The following TMEM132C variants were observed in gnomAD, a reference collection of about 807,000 sequenced individuals.
TMEM132C encodes transmembrane protein 132C.
A neutral mutation model predicts 61.4 loss-of-function variants in TMEM132C; 29 were observed. The ratio of observed to expected loss-of-function variants is 0.47; its 90% CI spans 0.35 to 0.64. The LOEUF (loss-of-function observed/expected upper bound fraction) is 0.64. Among genes scored for constraint, TMEM132C ranks in the 30% least tolerant of loss-of-function variants. The pLI, the probability that TMEM132C is intolerant of heterozygous loss-of-function variation, is 0.00. For missense variants in TMEM132C, 1,408 were observed against 1,476.9 expected (o/e 0.95, Z 0.76); for synonymous variants, 656 against 633.1 (o/e 1.04, Z -0.54).
At chr12:128,625,192 A>G (rs1954003418) in intron 4 of TMEM132C, among the ~76,000 whole-genome samples, 1 of 152,236 alleles carries the variant, frequency 6.6e-6, no homozygotes, top group Non-Finnish European at 1.5e-5. Flanking sequence ...TCTTCCTATC[A>G]TAGTCCATTC....
chr12:128,461,837 A>T (rs1870543433), intron 2 of TMEM132C, among the ~76,000 whole-genome samples: 1 of 151,962 alleles, frequency 6.6e-6, no homozygotes, highest in African/African-American at 2.4e-5. Context: ...ACCTTCCAGA[A>T]CTCCATTCTC....
chr12:128,622,360 A>AAAATAT (rs1277080166), intron 4 of TMEM132C, among the ~76,000 whole-genome samples: 106 of 30,038 alleles, frequency 3.5e-3, no homozygotes, highest in Non-Finnish European at 4.4e-3. Context: ...AAAAAAAAAA[A>AAAATAT]ATATATATAT....
In TMEM132C at chr12:128,342,052, A is replaced by G. The variant is rs1432492042; in HGVS notation, c.86-72680A>G. 4.0e-5 allele frequency among the ~76,000 whole-genome samples: 6 copies of G among 149,446 alleles called. No individual in the cohort carries two copies. The South Asian group carries it at 6.4e-4, about 16-fold the overall frequency. Reference sequence around the variant, plus strand: ...GAGATGGAGTCTCGCTCTGTCGCCTATGCTGGAGTGCAGTGGCATGATCTC... The same window carrying G: ...GAGATGGAGTCTCGCTCTGTCGCCTGTGCTGGAGTGCAGTGGCATGATCTC... On this transcript the variant is annotated intron_variant, in intron 1 of 8. Coordinates refer to ENST00000435159, the MANE Select transcript of TMEM132C (RefSeq NM_001136103.3).
chr12:128,500,845 G>A lies in TMEM132C; in HGVS notation c.975-43112G>A, dbSNP rs368260557. On this transcript the variant is annotated intron_variant, in intron 2 of 8. Transcript: ENST00000435159. ...CTCCCAGATATATATATATATGCAA[G>A]AGGATTGAAACTATATATCTGTACC... Among the ~76,000 whole-genome samples, 40 of 152,250 alleles carry A rather than the reference G, an allele frequency of 2.6e-4. No homozygotes were observed. The East Asian group carries it at 6.4e-3, about 24-fold the overall frequency.
At chr12:128,353,674 C>T (rs901484968) in intron 1 of TMEM132C, among the ~76,000 whole-genome samples, 1 of 152,134 alleles carries the variant, frequency 6.6e-6, no homozygotes, top group Admixed American at 6.5e-5. Context: ...GCAGAGAGCA[C>T]AGGAGGAGGC....
intron 1 of TMEM132C, among the ~76,000 whole-genome samples, chr12:128,397,668 C>G (rs568316195): frequency 2.6e-5 from 4 of 152,136 alleles, no homozygotes; most frequent in Non-Finnish European, 5.9e-5. Context: ...CAATGCTTTT[C>G]TCTTCTTCTT....
At chr12:128,338,239 A>G (rs1382260680) in intron 1 of TMEM132C, among the ~76,000 whole-genome samples, 3 of 152,208 alleles carry the variant, frequency 2.0e-5, no homozygotes. Context: ...AGCATCTTTT[A>G]GATCACAGAG....
At chr12:128,592,265 C>A (rs749119113) in intron 3 of TMEM132C, among the ~76,000 whole-genome samples, 26 of 152,150 alleles carry the variant, frequency 1.7e-4, no homozygotes, top group African/African-American at 6.0e-4. Context: ...AGTTTTTACA[C>A]GCCTGTATCG....
chr12:128,389,673 A>G (rs934257184), intron 1 of TMEM132C, among the ~76,000 whole-genome samples: 1 of 152,142 alleles, frequency 6.6e-6, no homozygotes, highest in African/African-American at 2.4e-5. Context: ...AGAAGAGGAC[A>G]TGGCCAGCCC....
At chr12:128,316,745 A>AT (rs963860950) in intron 1 of TMEM132C, among the ~76,000 whole-genome samples, 2 of 152,032 alleles carry the variant, frequency 1.3e-5, no homozygotes, top group South Asian at 2.1e-4. Context: ...CCTCAAGTTA[A>AT]TTTTTTTGTC....
chr12:128,402,878 C>T (rs1031289103), intron 1 of TMEM132C, among the ~76,000 whole-genome samples: 6 of 152,174 alleles, frequency 3.9e-5, no homozygotes, highest in African/African-American at 1.2e-4. Flanking sequence ...TTAGAGCATT[C>T]GTCTTTGAAA....
chr12:128,480,579 G>A (rs1404032372), intron 2 of TMEM132C, among the ~76,000 whole-genome samples: 1 of 152,164 alleles, frequency 6.6e-6, no homozygotes, highest in East Asian at 1.9e-4. Flanking sequence ...CGTTGCTGCA[G>A]CACCCCGGGG....
At chr12:128,536,306 C>T (rs924984300) in intron 2 of TMEM132C, among the ~76,000 whole-genome samples, 2 of 152,102 alleles carry the variant, frequency 1.3e-5, no homozygotes, top group African/African-American at 4.8e-5. Context: ...AAACCAAACA[C>T]CGCATGTTCT....
intron 3 of TMEM132C, among the ~76,000 whole-genome samples, chr12:128,560,485 T>C (rs1874472488): frequency 6.6e-6 from 1 of 152,164 alleles, no homozygotes; most frequent in South Asian, 2.1e-4. Context: ...TCCCTCTGAT[T>C]GGACTCTTTG....
Position 128,504,622 on chromosome 12 carries a change from A to T in TMEM132C, c.975-39335A>T, listed in dbSNP as rs116649500. On this transcript the variant is annotated intron_variant, in intron 2 of 8. Coordinates refer to ENST00000435159, the MANE Select transcript of TMEM132C (RefSeq NM_001136103.3). ...GGCCACTTTCTCTCTGTGTCTTCAC[A>T]TGGCCTTTTCTCCATGTGAGAGTGA... Among the ~76,000 whole-genome samples the T allele has an allele frequency of 9.8e-3, 1,492 of 152,110 alleles. 29 individuals are homozygous for T. The highest frequency in any genetic ancestry group is 0.034 in the African/African-American group (1,393 of 41,498).
At chr12:128,673,570 C>T (rs1054463696) in intron 5 of TMEM132C, among the ~76,000 whole-genome samples, 7 of 144,894 alleles carry the variant, frequency 4.8e-5, no homozygotes, top group African/African-American at 1.5e-4. Flanking sequence ...GTCTGTCTTC[C>T]AAGACTGTTC....
At position 128,706,271 on chromosome 12, in the gene TMEM132C, G is replaced by T; in HGVS notation, c.3303G>T (p.Leu1101=). ...VGAPKELRNY[L]EKLKDKA is the part of the protein sequence containing the mutation. ...CCCCCAAGGAACTTAGAAACTATCT[G>T]GAGAAACTCAAAGATAAGGCTTAGG... Residue 1101 remains leucine (L), a synonymous_variant, in exon 9 of 9, where the codon CTG becomes CTT. Coordinates refer to ENST00000435159, the MANE Select transcript of TMEM132C (RefSeq NM_001136103.3). 6.5e-7 allele frequency: 1 copy of T among 1,546,362 alleles called. No individual in the cohort carries two copies.
intron 1 of TMEM132C, among the ~76,000 whole-genome samples, chr12:128,353,826 C>T (rs1228636038): frequency 1.3e-5 from 2 of 152,128 alleles, no homozygotes; most frequent in African/African-American, 2.4e-5. Context: ...TGAAAGGTAC[C>T]AAGTGCTGAA....
At chr12:128,533,093 A>G (rs1348759526) in intron 2 of TMEM132C, among the ~76,000 whole-genome samples, 1 of 152,162 alleles carries the variant, frequency 6.6e-6, no homozygotes, top group African/African-American at 2.4e-5. Context: ...ATGCCTTTGT[A>G]TGCAGGATGT....
Sources: gnomAD v4.1 joint callset for allele counts (sites outside exome capture counted in the v4.1 genomes callset) on GRCh38, gnomAD v4.1.1 for gene constraint, MANE v1.5 for transcripts, NCBI Gene and HGNC (gene_info 2026-07-23, HGNC 2026-07-21) for gene names.